The following FRMPD1 variants were observed in gnomAD, a reference collection of about 807,000 sequenced individuals.
FRMPD1 encodes FERM and PDZ domain-containing protein 1.
A neutral mutation model predicts 117.8 loss-of-function variants in FRMPD1; 76 were observed. The ratio of observed to expected loss-of-function variants is 0.65; its 90% CI spans 0.54 to 0.78. FRMPD1 has a LOEUF of 0.78. Ranked by LOEUF, FRMPD1 falls within the 30% of genes least tolerant of loss-of-function variation. The pLI is 0.00. For missense variants in FRMPD1, 1,786 were observed against 1,964.5 expected (o/e 0.91, Z 1.72); for synonymous variants, 783 against 770.4 (o/e 1.02, Z -0.27).
At chr9:37,673,987 A>G (rs758187527) in intron 1 of FRMPD1, among the ~76,000 whole-genome samples, 11 of 152,086 alleles carry the variant, frequency 7.2e-5, no homozygotes, top group Non-Finnish European at 1.0e-4. Flanking sequence ...CATTTTCCCT[A>G]TTGTCTTGGG....
At chr9:37,623,134 G>A in the FRMPD1 span, among the ~76,000 whole-genome samples, 4 of 152,238 alleles carry the variant, frequency 2.6e-5, no homozygotes, top group Non-Finnish European at 2.9e-5. Flanking sequence ...CCACATGGTA[G>A]ACACTGTGTT....
At chr9:37,650,717 G>A (rs1302996851), upstream of FRMPD1, among the ~76,000 whole-genome samples, 1 of 152,106 alleles carries the variant, frequency 6.6e-6, no homozygotes, top group Non-Finnish European at 1.5e-5. Context: ...TGCGTGCCCC[G>A]GCGGTGAGCT....
intron 1 of FRMPD1, among the ~76,000 whole-genome samples, chr9:37,652,431 C>G (rs944854799): frequency 6.6e-6 from 1 of 152,200 alleles, no homozygotes; most frequent in Non-Finnish European, 1.5e-5. Context: ...ATCTTGTTCC[C>G]CTTGTGCTGC....
chr9:37,690,035 T>C (rs192856838), intron 1 of FRMPD1, among the ~76,000 whole-genome samples: 21 of 152,262 alleles, frequency 1.4e-4, no homozygotes, highest in Middle Eastern at 3.4e-3. Context: ...TATTCTTAAT[T>C]TGAAAATTTA....
the FRMPD1 span, among the ~76,000 whole-genome samples, chr9:37,626,854 G>T: frequency 6.6e-6 from 1 of 152,024 alleles, no homozygotes; most frequent in Non-Finnish European, 1.5e-5. Flanking sequence ...TTATCTTTGG[G>T]GTGTGGGGCC....
chr9:37,668,004 T>C (rs987412559), intron 1 of FRMPD1: 3 of 152,322 alleles, frequency 2.0e-5, no homozygotes, highest in African/African-American at 7.2e-5. Context: ...TAACTTTAAC[T>C]GAACACAACT....
chr9:37,737,487 T>G (rs536059803), intron 14 of FRMPD1, among the ~76,000 whole-genome samples: 83 of 152,316 alleles, frequency 5.4e-4, no homozygotes, highest in African/African-American at 1.9e-3. Flanking sequence ...TCTAGTTCCC[T>G]GCTGTATTTC....
chr9:37,633,869 G>A, the FRMPD1 span, among the ~76,000 whole-genome samples: 2 of 152,072 alleles, frequency 1.3e-5, no homozygotes, highest in African/African-American at 4.8e-5. Flanking sequence ...TCTAAATAAA[G>A]AAATAAATAA....
chr9:37,690,419 A>G (rs1404999424), intron 1 of FRMPD1, among the ~76,000 whole-genome samples: 1 of 151,812 alleles, frequency 6.6e-6, no homozygotes, highest in Non-Finnish European at 1.5e-5. Flanking sequence ...TGTTTTCTAC[A>G]TTGTCTCTGT....
chr9:37,687,370 AT>A (rs1821987373), intron 1 of FRMPD1, among the ~76,000 whole-genome samples: 1 of 151,570 alleles, frequency 6.6e-6, no homozygotes, highest in Non-Finnish European at 1.5e-5. Context: ...ACATTCTTTG[AT>A]TTTTCAGTGT....
the FRMPD1 span, among the ~76,000 whole-genome samples, chr9:37,636,254 C>T: frequency 6.6e-6 from 1 of 152,148 alleles, no homozygotes; most frequent in African/African-American, 2.4e-5. Context: ...ACACTCCTGG[C>T]CCTGGGCACT....
At chr9:37,690,130 G>A (rs149630571) in intron 1 of FRMPD1, among the ~76,000 whole-genome samples, 2 of 151,982 alleles carry the variant, frequency 1.3e-5, no homozygotes, top group African/African-American at 4.8e-5. Flanking sequence ...ACTTCTGTTA[G>A]ATGAATATTA....
chr9:37,615,275 T>C, the FRMPD1 span, among the ~76,000 whole-genome samples: 11 of 151,998 alleles, frequency 7.2e-5, no homozygotes, highest in African/African-American at 2.7e-4. Flanking sequence ...GCCTGGCTAA[T>C]TTTTTTGTAT....
In FRMPD1 at chr9:37,745,851, C is replaced by A; in HGVS notation, c.3819C>A (p.Asn1273Lys). ...PQEDPHLETS[N>K]HCLLSEGKSD... ...AGGATCCTCACTTAGAAACTTCAAACCATTGCTTACTCTCAGAAGGCAAAA... is the reference window on the plus strand; with the variant it reads ...AGGATCCTCACTTAGAAACTTCAAAACATTGCTTACTCTCAGAAGGCAAAA... The change falls in exon 16 of 16, where the codon AAC becomes AAA. Residue 1273 changes from asparagine (N) to lysine (K), a missense_variant. Coordinates refer to ENST00000377765, the MANE Select transcript of FRMPD1 (RefSeq NM_014907.3). 6.2e-7 allele frequency: 1 copy of A among 1,614,194 alleles called. No individual in the cohort carries two copies. Among genetic ancestry groups the A allele is most frequent in the Admixed American group, 1.7e-5 (1 of 60,026 alleles).
intron 14 of FRMPD1, 126 bp downstream of exon 14, chr9:37,737,369 T>C: frequency 1.4e-6 from 1 of 708,716 alleles, no homozygotes; most frequent in Non-Finnish European, 2.4e-6. Context: ...ATGAGAGCTA[T>C]TTCTCTGTTT....
In FRMPD1 at chr9:37,693,980, G is replaced by A. The variant is rs144258280; in HGVS notation, c.101+1238G>A. Among the ~76,000 whole-genome samples the A allele has an allele frequency of 1.9e-3, 285 of 152,238 alleles. 1 individual carries two copies. Among genetic ancestry groups the A allele is most frequent in the African/African-American group, 6.5e-3 (269 of 41,534 alleles). On this transcript the variant is annotated intron_variant, in intron 2 of 15. Transcript: ENST00000377765. ...TAGCACTGGCATTGTGCTCCCCCTG[G>A]TGCATTCAACTTTTCGAGCCCATTC...
At chr9:37,657,980 A>G (rs1008712953) in intron 1 of FRMPD1, among the ~76,000 whole-genome samples, 1 of 152,000 alleles carries the variant, frequency 6.6e-6, no homozygotes, top group African/African-American at 2.4e-5. Context: ...CCTCTCGGCA[A>G]TGGTTGCCCC....
intron 2 of FRMPD1, among the ~76,000 whole-genome samples, chr9:37,701,509 ACG>A (rs1822532028): frequency 3.5e-5 from 3 of 84,736 alleles, no homozygotes; most frequent in South Asian, 1.0e-3. Flanking sequence ...GTGTGCATGT[ACG>A]TGTGTGTGTG....
intron 1 of FRMPD1, among the ~76,000 whole-genome samples, chr9:37,680,805 A>C (rs1821702437): frequency 6.6e-6 from 1 of 152,154 alleles, no homozygotes; most frequent in Non-Finnish European, 1.5e-5. Context: ...CCTTTTCTAT[A>C]ATAAAAAGAG....
Sources: gnomAD v4.1 joint callset for allele counts (sites outside exome capture counted in the v4.1 genomes callset) on GRCh38, gnomAD v4.1.1 for gene constraint, MANE v1.5 for transcripts, NCBI Gene and HGNC (gene_info 2026-07-23, HGNC 2026-07-21) for gene names.